RSU1: variants seen among roughly 807,000 people sequenced by gnomAD.
RSU1 encodes the protein Ras suppressor protein 1.
A neutral mutation model predicts 31.1 loss-of-function variants in RSU1; 26 were observed. That is an observed-to-expected ratio of 0.84 (90% CI 0.61 to 1.16). The LOEUF is 1.16. RSU1 is among the 50% of genes most tolerant of loss of function. The pLI is 0.00. For missense variants in RSU1, 320 were observed against 339.1 expected, an observed-to-expected ratio of 0.94 and a Z score of 0.44; for synonymous variants, 164 against 136.3, an observed-to-expected ratio of 1.20 and a Z score of -1.41.
At chr10:16,785,511 CATATATATAT>C (rs149370279) in intron 2 of RSU1, among the ~76,000 whole-genome samples, 1 of 133,748 alleles carries the variant, frequency 7.5e-6, no homozygotes, top group African/African-American at 3.1e-5. Flanking sequence ...CACATATATA[CATATATATAT>C]ATATAATATT....
chr10:16,595,249 G>A (rs908547925), intron 8 of RSU1, among the ~76,000 whole-genome samples: 11 of 152,236 alleles, frequency 7.2e-5, no homozygotes, highest in Non-Finnish European at 1.6e-4. Context: ...TCTCCACCAT[G>A]GCTGACAGGC....
At chr10:16,817,183 G>A in intron 1 of RSU1, 99 bp from the exon 2 acceptor site, 3 of 861,354 alleles carry the variant, frequency 3.5e-6, no homozygotes, top group South Asian at 2.8e-5. Flanking sequence ...CCCCAGGGTT[G>A]GAGCGGGTGG....
intron 8 of RSU1, among the ~76,000 whole-genome samples, chr10:16,609,990 TA>T (rs897705814): frequency 6.6e-6 from 1 of 152,166 alleles, no homozygotes; most frequent in African/African-American, 2.4e-5. Flanking sequence ...ATTATAAAAG[TA>T]AAAAAGACTG....
chr10:16,600,918 T>C (rs1337706439), intron 8 of RSU1, among the ~76,000 whole-genome samples: 1 of 152,128 alleles, frequency 6.6e-6, no homozygotes, highest in Non-Finnish European at 1.5e-5. Flanking sequence ...TTGAGTCTTA[T>C]GTCAGATCCA....
chr10:16,665,488 CTCAAA>C (rs1834972080), intron 8 of RSU1, among the ~76,000 whole-genome samples: 1 of 152,178 alleles, frequency 6.6e-6, no homozygotes, highest in South Asian at 2.1e-4. Context: ...ACAAATAATA[CTCAAA>C]GCAAACATAG....
At chr10:16,727,557 T>C (rs1002950143) in intron 7 of RSU1, among the ~76,000 whole-genome samples, 11 of 152,086 alleles carry the variant, frequency 7.2e-5, no homozygotes, top group Non-Finnish European at 1.2e-4. Flanking sequence ...ATATACAAAA[T>C]GTCCAACTCG....
intron 3 of RSU1, among the ~76,000 whole-genome samples, chr10:16,773,560 G>A (rs1036042612): frequency 6.6e-5 from 10 of 152,202 alleles, no homozygotes; most frequent in Non-Finnish European, 1.0e-4. Context: ...CAGGGGACAC[G>A]GCGGAGCAGC....
intron 7 of RSU1, among the ~76,000 whole-genome samples, chr10:16,715,503 A>C (rs896596788): frequency 7.2e-5 from 11 of 152,106 alleles, no homozygotes; most frequent in African/African-American, 2.4e-4. Context: ...CAAGGGTCCA[A>C]CTTCATTCTT....
intron 8 of RSU1, among the ~76,000 whole-genome samples, chr10:16,656,201 A>T (rs963179605): frequency 1.3e-5 from 2 of 152,190 alleles, no homozygotes; most frequent in Non-Finnish European, 2.9e-5. Flanking sequence ...AAAACTATTA[A>T]TATTTGACAT....
intron 8 of RSU1, among the ~76,000 whole-genome samples, chr10:16,677,159 T>C (rs1835249675): frequency 6.6e-6 from 1 of 152,216 alleles, no homozygotes; most frequent in Non-Finnish European, 1.5e-5. Context: ...TCTTCCCAGA[T>C]GTTACTCAAA....
At chr10:16,716,553 T>C (rs530271764) in intron 7 of RSU1, among the ~76,000 whole-genome samples, 2 of 152,154 alleles carry the variant, frequency 1.3e-5, no homozygotes, top group African/African-American at 2.4e-5. Flanking sequence ...CTTCCATACA[T>C]GATATGAGCA....
intron 7 of RSU1, among the ~76,000 whole-genome samples, chr10:16,711,412 C>T (rs1017691496): frequency 6.6e-6 from 1 of 152,076 alleles, no homozygotes; most frequent in Admixed American, 6.6e-5. Flanking sequence ...CCTTATTCTA[C>T]CTTTCCTTCT....
At chr10:16,804,488 C>T (rs1201096765) in intron 2 of RSU1, among the ~76,000 whole-genome samples, 1 of 152,204 alleles carries the variant, frequency 6.6e-6, no homozygotes, top group Non-Finnish European at 1.5e-5. Context: ...GTGCTGAAAT[C>T]TTCTGTCTAT....
intron 8 of RSU1, among the ~76,000 whole-genome samples, chr10:16,612,118 C>G (rs1194103833): frequency 6.6e-6 from 1 of 152,228 alleles, no homozygotes; most frequent in African/African-American, 2.4e-5. Context: ...CAATGCCACA[C>G]TACGCTCAGA....
At chr10:16,753,629 G>T (rs1837024185) in intron 5 of RSU1, among the ~76,000 whole-genome samples, 1 of 152,138 alleles carries the variant, frequency 6.6e-6, no homozygotes, top group Admixed American at 6.5e-5. Flanking sequence ...CTAACTTAAG[G>T]AGAATATCAG....
chr10:16,805,316 G>A (rs537945457), intron 2 of RSU1, among the ~76,000 whole-genome samples: 3 of 152,328 alleles, frequency 2.0e-5, no homozygotes, highest in South Asian at 2.1e-4. Flanking sequence ...GGATGGAGGA[G>A]AGACGTGGAT....
At chr10:16,795,532 G>A (rs185467834) in intron 2 of RSU1, among the ~76,000 whole-genome samples, 199 of 152,088 alleles carry the variant, frequency 1.3e-3, no homozygotes, top group African/African-American at 4.7e-3. Flanking sequence ...AATTTTAGAT[G>A]AGAAAAATGA....
chr10:16,590,633 AT>A lies in RSU1; in HGVS notation c.*2760del, dbSNP rs1429486392. 6.6e-6 allele frequency: 1 copy of A among 152,236 alleles called. No individual in the cohort carries two copies. Among genetic ancestry groups the A allele is most frequent in the East Asian group, 1.9e-4 (1 of 5,202 alleles). The allele number at this position is 152,236 out of a possible 1,614,324, so 9.4% of individuals were successfully genotyped here. A position where few individuals can be genotyped will look rare whatever the true frequency, so the allele number is the denominator to read the frequency against. ...CAATTTGATTTTGAAAAATACATGCATTTAATATTTTCTGATTACAAAAGTA... is the reference window on the plus strand; with the variant it reads ...CAATTTGATTTTGAAAAATACATGCATTAATATTTTCTGATTACAAAAGTA... On this transcript the variant is annotated 3_prime_UTR_variant, in exon 9 of 9. Transcript: ENST00000345264.
chr10:16,651,333 A>G (rs1311184883), intron 8 of RSU1, among the ~76,000 whole-genome samples: 1 of 152,234 alleles, frequency 6.6e-6, no homozygotes, highest in Non-Finnish European at 1.5e-5. Context: ...TCTAAAATTT[A>G]TTCAAGGAAG....
Sources: allele counts gnomAD v4.1 joint callset (sites outside exome capture counted in the v4.1 genomes callset), GRCh38; gene constraint gnomAD v4.1.1; transcripts MANE v1.5; gene names NCBI Gene and HGNC (gene_info 2026-07-23, HGNC 2026-07-21).